The following SLC6A16 variants were observed in gnomAD, a reference collection of about 807,000 sequenced individuals.
The protein encoded by SLC6A16 is solute carrier family 6 member 16, also known as orphan sodium- and chloride-dependent neurotransmitter transporter NTT5.
In SLC6A16, 54 loss-of-function variants were observed where a neutral mutation model predicts 65.4. That is an observed-to-expected ratio of 0.83 (90% CI 0.66 to 1.04). The LOEUF (loss-of-function observed/expected upper bound fraction) is 1.04, where lower values mean the gene tolerates loss of function less well. Among genes scored for constraint, SLC6A16 ranks in the 50% least tolerant of loss-of-function variants. The probability of loss-of-function intolerance (pLI) is 0.00; values close to 1 mark genes in which losing one functional copy is unlikely to be tolerated. For missense variants in SLC6A16, 816 were observed against 914.0 expected, an observed-to-expected ratio of 0.89 and a Z score of 1.38; for synonymous variants, 330 against 346.5, an observed-to-expected ratio of 0.95 and a Z score of 0.53.
chr19:49,334,784 T>G, the SLC6A16 span, among the ~76,000 whole-genome samples: 1 of 151,876 alleles, frequency 6.6e-6, no homozygotes, highest in Non-Finnish European at 1.5e-5. Context: ...TCCCAGCTAC[T>G]CAGAAGGCAG....
the SLC6A16 span, chr19:49,337,625 G>T: frequency 1.4e-6 from 2 of 1,479,818 alleles, no homozygotes; most frequent in Admixed American, 4.2e-5. Context: ...TAAATTAATA[G>T]AAAGACACAC....
chr19:49,315,038 C>CA (rs35235452), intron 1 of SLC6A16, among the ~76,000 whole-genome samples: 40,719 of 145,438 alleles, frequency 0.28, 5,998 homozygotes, highest in South Asian at 0.4. Flanking sequence ...CCCTACCCAA[C>CA]AAAAAAAAAA....
At position 49,311,422 on chromosome 19, in the gene SLC6A16, C is replaced by T; in HGVS notation, c.-64-11G>A. 2.7e-6 allele frequency: 4 copies of T among 1,467,584 alleles called. No individual in the cohort carries two copies. Among genetic ancestry groups the T allele is most frequent in the Non-Finnish European group, 3.6e-6 (4 of 1,099,574 alleles). The allele number at this position is 1,467,584 out of a possible 1,614,324, so 90.9% of individuals were successfully genotyped here. On this transcript the variant is annotated splice_polypyrimidine_tract_variant and intron_variant, in intron 1 of 11. Coordinates refer to ENST00000335875, the MANE Select transcript of SLC6A16 (RefSeq NM_014037.3). ...TCTTCCTGAGGAGACCTGAAGGACA[C>T]CAAAATCTGTAGATTTTAGATTTTA...
At chr19:49,337,840 A>T in the SLC6A16 span, 1 of 1,559,206 alleles carries the variant, frequency 6.4e-7, no homozygotes, top group Non-Finnish European at 8.7e-7. Flanking sequence ...AGAGATGCAC[A>T]GGGCCCGCCT....
upstream of SLC6A16, among the ~76,000 whole-genome samples, chr19:49,329,807 T>C (rs1831910262): frequency 6.6e-6 from 1 of 151,896 alleles, no homozygotes; most frequent in East Asian, 1.9e-4. Context: ...TAATTTTTTG[T>C]ATTTTTAGTA....
intron 1 of SLC6A16, among the ~76,000 whole-genome samples, chr19:49,320,226 T>C (rs928801260): frequency 3.9e-5 from 6 of 152,000 alleles, no homozygotes; most frequent in Non-Finnish European, 7.4e-5. Context: ...TTGACCTACA[T>C]AGTGAAACCC....
intron 1 of SLC6A16, among the ~76,000 whole-genome samples, chr19:49,318,854 C>T (rs1970658119): frequency 6.6e-6 from 1 of 151,030 alleles, no homozygotes; most frequent in Non-Finnish European, 1.5e-5. Context: ...AGGTGTGCAC[C>T]ACCACAACTG....
intron 1 of SLC6A16, among the ~76,000 whole-genome samples, chr19:49,322,690 C>T (rs904903373): frequency 6.9e-6 from 1 of 144,934 alleles, no homozygotes; most frequent in Non-Finnish European, 1.5e-5. Context: ...ACAAAGAAAA[C>T]TACAAAACAT....
the SLC6A16 span, chr19:49,339,039 G>T: frequency 1.0e-6 from 1 of 969,604 alleles, no homozygotes. This position sits in a 1 kb window ranked among gnomAD's most constrained non-coding sequence, Gnocchi z 4.5. Flanking sequence ...GGGTCTACGA[G>T]AAAAGGAAAG....
chr19:49,300,822 CG>C (rs953321930), intron 7 of SLC6A16, among the ~76,000 whole-genome samples: 1 of 151,948 alleles, frequency 6.6e-6, no homozygotes, highest in African/African-American at 2.4e-5. Flanking sequence ...GAGGTTGAGG[CG>C]GGAGGATCAC....
In SLC6A16 at chr19:49,311,173, C is replaced by T. The variant is rs765579507; in HGVS notation, c.175G>A (p.Ala59Thr). The T allele has an allele frequency of 2.5e-6, 4 of 1,614,122 alleles. No individual in the cohort carries two copies. Among genetic ancestry groups the T allele is most frequent in the Non-Finnish European group, 3.4e-6 (4 of 1,180,002 alleles). Residue 59 changes from alanine to threonine, a missense_variant, in exon 2 of 12, where the codon GCT becomes ACT. Transcript: ENST00000335875. The part of the protein sequence containing the change: ...AQVSAARVAE[A>T]QARTSQPKQI... ...TTGGGCTGACTGGTCCTGGCCTGAG[C>T]CTCTGCAACCCGGGCTGCTGAAACT...
At chr19:49,323,902 A>G (rs115907471) in intron 1 of SLC6A16, among the ~76,000 whole-genome samples, 1 of 152,180 alleles carries the variant, frequency 6.6e-6, no homozygotes, top group Admixed American at 6.5e-5. Flanking sequence ...CCAGTGGCTC[A>G]GCCTGTAATC....
chr19:49,294,226 G>C lies in SLC6A16; in HGVS notation c.1416+141C>G, dbSNP rs77822654. 7,198 of 941,200 alleles carry C rather than the reference G, an allele frequency of 7.6e-3. 348 individuals carry two copies. In the African/African-American group the frequency reaches 0.11, roughly 14 times the overall value. 58.3% of individuals were successfully genotyped at this position (941,200 alleles called of 1,614,324 possible). On this transcript the variant is annotated intron_variant, in intron 8 of 11. Transcript: ENST00000335875. ...TATCCATGGAAGGCCATTCCGCAAA[G>C]TATAGTACTTTGTATTACTGAGAGC...
the SLC6A16 span, chr19:49,338,324 G>C: frequency 1.6e-6 from 1 of 644,316 alleles, no homozygotes; most frequent in Non-Finnish European, 2.4e-6. The surrounding 1 kb of genome is among the most constrained non-coding windows in gnomAD (Gnocchi z 5.0). Context: ...AGCGAGACAC[G>C]GCTTCCTACC....
At chr19:49,339,691 C>A in the SLC6A16 span, 1 of 1,414,620 alleles carries the variant, frequency 7.1e-7, no homozygotes, top group East Asian at 2.6e-5. The surrounding 1 kb of genome is among the most constrained non-coding windows in gnomAD (Gnocchi z 4.5). Flanking sequence ...ACAGCTACAG[C>A]GCAGGGCACT....
intron 1 of SLC6A16, among the ~76,000 whole-genome samples, chr19:49,317,346 T>C (rs936883824): frequency 4.7e-5 from 7 of 150,262 alleles, no homozygotes; most frequent in Admixed American, 2.7e-4. Flanking sequence ...ATCTCAAAAA[T>C]AATAACAATA....
At chr19:49,302,711 A>G (rs1970312371) in intron 7 of SLC6A16, among the ~76,000 whole-genome samples, 1 of 152,234 alleles carries the variant, frequency 6.6e-6, no homozygotes, top group Non-Finnish European at 1.5e-5. Flanking sequence ...AGTCAATTAT[A>G]AAAGAACAGA....
chr19:49,315,440 G>A (rs1970599182), intron 1 of SLC6A16, among the ~76,000 whole-genome samples: 1 of 152,184 alleles, frequency 6.6e-6, no homozygotes, highest in Non-Finnish European at 1.5e-5. Context: ...ATAACATTAA[G>A]AGAGAAGCAG....
the SLC6A16 span, chr19:49,335,345 G>A: frequency 3.3e-6 from 2 of 602,948 alleles, no homozygotes; most frequent in Non-Finnish European, 2.9e-6. The surrounding 1 kb of genome is among the most constrained non-coding windows in gnomAD (Gnocchi z 4.6). Flanking sequence ...GGGACAGAGA[G>A]AGAGACAGAA....
Sources: allele counts gnomAD v4.1 joint callset (sites outside exome capture counted in the v4.1 genomes callset), GRCh38; gene constraint gnomAD v4.1.1; non-coding constraint Gnocchi (gnomAD v3.1); transcripts MANE v1.5; gene names NCBI Gene and HGNC (gene_info 2026-07-23, HGNC 2026-07-21).